Variants in KAZN observed in about 807,000 individuals in gnomAD.
KAZN encodes the protein kazrin.
In KAZN, 40 loss-of-function variants were observed where a neutral mutation model predicts 87.4. The observed-to-expected ratio is 0.46, with a 90% confidence interval of 0.36 to 0.60. The LOEUF (loss-of-function observed/expected upper bound fraction) is 0.60, where lower values mean the gene tolerates loss of function less well. Ranked by LOEUF, KAZN falls within the 20% of genes least tolerant of loss-of-function variation. The pLI is 0.00. For synonymous variants in KAZN, 466 were observed against 458.3 expected (o/e 1.02, Z -0.22); for missense variants, 898 against 1,073.9 (o/e 0.84, Z 2.29).
At chr1:14,262,972 C>T (rs752123637) in intron 2 of KAZN, among the ~76,000 whole-genome samples, 5 of 152,146 alleles carry the variant, frequency 3.3e-5, no homozygotes, top group South Asian at 2.1e-4. Flanking sequence ...CCGTGTGATC[C>T]GTGGGTTTTA....
intron 2 of KAZN, among the ~76,000 whole-genome samples, chr1:14,200,938 C>T (rs1646626654): frequency 6.6e-6 from 1 of 152,044 alleles, no homozygotes; most frequent in Admixed American, 6.5e-5. Context: ...CTGACAGCCT[C>T]ATTAGTATTT....
intron 1 of KAZN, among the ~76,000 whole-genome samples, chr1:14,105,357 G>A (rs1485972764): frequency 6.6e-6 from 1 of 152,194 alleles, no homozygotes; most frequent in African/African-American, 2.4e-5. Flanking sequence ...GCCATGCTGG[G>A]CAGAGAGAGC....
At chr1:14,084,271 G>T (rs1436192451) in intron 1 of KAZN, among the ~76,000 whole-genome samples, 1 of 152,206 alleles carries the variant, frequency 6.6e-6, no homozygotes, top group African/African-American at 2.4e-5. Flanking sequence ...TTTCTGGATT[G>T]TGGCCTTGGA....
intron 2 of KAZN, among the ~76,000 whole-genome samples, chr1:14,468,199 C>T (rs1668267365): frequency 6.6e-6 from 1 of 152,144 alleles, no homozygotes; most frequent in Non-Finnish European, 1.5e-5. Context: ...AAACGTTTGT[C>T]TTTATGTTCA....
chr1:13,952,880 G>A (rs1641405750), intron 1 of KAZN, among the ~76,000 whole-genome samples: 1 of 152,188 alleles, frequency 6.6e-6, no homozygotes, highest in Non-Finnish European at 1.5e-5. Context: ...CCTTTAAAAT[G>A]AGGAAACTGA....
In KAZN at chr1:14,914,589, G is replaced by A. The variant is rs147141897; in HGVS notation, c.227-46095G>A. On this transcript the variant is annotated intron_variant, in intron 1 of 14. Transcript: ENST00000376030. ...CTGGCCGGCATCCTTGGACCTCACC[G>A]CTGACCCAGCAAGAATCTGGAAGCA... Among the ~76,000 whole-genome samples the A allele has an allele frequency of 2.7e-3, 408 of 152,280 alleles. 2 individuals carry two copies. The highest frequency in any genetic ancestry group is 4.6e-3 in the African/African-American group (193 of 41,572).
chr1:14,828,041 C>T (rs1490695073), intron 1 of KAZN, among the ~76,000 whole-genome samples: 1 of 152,216 alleles, frequency 6.6e-6, no homozygotes, highest in Non-Finnish European at 1.5e-5. Flanking sequence ...AATACTAGCA[C>T]ACAGGGCATA....
intron 1 of KAZN, among the ~76,000 whole-genome samples, chr1:13,908,754 C>G (rs1347255369): frequency 6.6e-6 from 1 of 152,176 alleles, no homozygotes; most frequent in Non-Finnish European, 1.5e-5. Context: ...ATAAACTTCT[C>G]AAGTGGTGGA....
intron 2 of KAZN, among the ~76,000 whole-genome samples, chr1:14,466,558 T>C (rs565086340): frequency 1.3e-4 from 19 of 151,580 alleles, no homozygotes; most frequent in African/African-American, 4.6e-4. Context: ...GCTTGACACC[T>C]AGGTGATGGG....
intron 1 of KAZN, among the ~76,000 whole-genome samples, chr1:14,758,764 G>A (rs1286919475): frequency 6.6e-6 from 1 of 152,202 alleles, no homozygotes; most frequent in African/African-American, 2.4e-5. Flanking sequence ...GATGGGTTGG[G>A]AAGCAGTGAG....
At chr1:14,361,921 T>C (rs1250092649) in intron 2 of KAZN, among the ~76,000 whole-genome samples, 1 of 152,186 alleles carries the variant, frequency 6.6e-6, no homozygotes, top group Non-Finnish European at 1.5e-5. Context: ...GAAAGGCTTT[T>C]TTGAGGAAGA....
chr1:13,944,607 AGGT>A (rs1641065122), intron 1 of KAZN, among the ~76,000 whole-genome samples: 1 of 152,224 alleles, frequency 6.6e-6, no homozygotes, highest in African/African-American at 2.4e-5. Flanking sequence ...AAGTAAATGG[AGGT>A]AGTGTTTTAA....
At chr1:14,107,628 T>G (rs1320650951) in intron 1 of KAZN, among the ~76,000 whole-genome samples, 2 of 152,170 alleles carry the variant, frequency 1.3e-5, no homozygotes, top group Non-Finnish European at 2.9e-5. Context: ...GGTTGAGCTC[T>G]TCAGTCTTCA....
chr1:14,096,707 A>G (rs1644136708), intron 1 of KAZN, among the ~76,000 whole-genome samples: 1 of 152,224 alleles, frequency 6.6e-6, no homozygotes, highest in African/African-American at 2.4e-5. Context: ...TTCAAGAAGG[A>G]GGCAGGATTT....
intron 1 of KAZN, among the ~76,000 whole-genome samples, chr1:14,760,864 T>C (rs10927534): frequency 0.012 from 1,873 of 152,280 alleles, 45 homozygotes; most frequent in African/African-American, 0.042. Context: ...AGATAGTAAA[T>C]ACATTACACT....
intron 1 of KAZN, among the ~76,000 whole-genome samples, chr1:14,651,185 G>A (rs1031546242): frequency 6.6e-6 from 1 of 152,176 alleles, no homozygotes; most frequent in Non-Finnish European, 1.5e-5. Flanking sequence ...TGCCATGCTT[G>A]GCTCTGTGAG....
intron 2 of KAZN, among the ~76,000 whole-genome samples, chr1:14,508,370 G>T (rs1670719051): frequency 6.6e-6 from 1 of 152,090 alleles, no homozygotes; most frequent in African/African-American, 2.4e-5. Flanking sequence ...GACTTAGAAG[G>T]ATCTTCTCAT....
intron 8 of KAZN, among the ~76,000 whole-genome samples, chr1:15,075,712 A>C (rs975456365): frequency 2.0e-5 from 3 of 152,206 alleles, no homozygotes; most frequent in Non-Finnish European, 1.5e-5. Flanking sequence ...CACTTTGCTA[A>C]GAAAGGACCC....
intron 1 of KAZN, among the ~76,000 whole-genome samples, chr1:14,127,018 T>A (rs7527226): frequency 0.57 from 86,813 of 151,890 alleles, 26,058 homozygotes; most frequent in East Asian, 0.76. Context: ...AGGCAGGAGA[T>A]TCGCTTGAAC....
Sources: gnomAD v4.1 joint callset for allele counts (sites outside exome capture counted in the v4.1 genomes callset) on GRCh38, gnomAD v4.1.1 for gene constraint, MANE v1.5 for transcripts, NCBI Gene and HGNC (gene_info 2026-07-23, HGNC 2026-07-21) for gene names.